GSAP: variants seen among roughly 807,000 people sequenced by gnomAD.
The protein encoded by GSAP is gamma-secretase-activating protein.
A neutral mutation model predicts 131.7 loss-of-function variants in GSAP; 118 were observed. That is an observed-to-expected ratio of 0.90 (90% CI 0.77 to 1.04). The LOEUF (loss-of-function observed/expected upper bound fraction) is 1.04. GSAP is among the 50% of genes least tolerant of loss of function. GSAP has a pLI of 0.00. For missense variants in GSAP, 1,019 were observed against 1,013.2 expected (o/e 1.01, Z -0.08); for synonymous variants, 381 against 363.4 (o/e 1.05, Z -0.55).
intron 1 of GSAP, among the ~76,000 whole-genome samples, chr7:77,414,069 T>A (rs75460595): frequency 0.12 from 18,658 of 152,238 alleles, 1,655 homozygotes; most frequent in East Asian, 0.42. Flanking sequence ...AGAATTTCCA[T>A]GGCTGACTCA....
rs1200040086 is a variant in GSAP at position 77,334,579 on chromosome 7, T to TAAAAAAAAAAAAAAAAAAAAAAAA, written c.1546-4213_1546-4212insTTTTTTTTTTTTTTTTTTTTTTTT. On this transcript the variant is annotated intron_variant, in intron 19 of 30. Coordinates refer to ENST00000257626, the MANE Select transcript of GSAP (RefSeq NM_017439.4). ...GCCCATGTATCCTGGAACTTAAAAT[T>TAAAAAAAAAAAAAAAAAAAAAAAA]TAAAAAAAAAAAAAAAAAAAAAAAA... 1.4e-3 allele frequency among the ~76,000 whole-genome samples: 112 copies of TAAAAAAAAAAAAAAAAAAAAAAAA among 82,376 alleles called. 14 individuals are homozygous for TAAAAAAAAAAAAAAAAAAAAAAAA. Among genetic ancestry groups the TAAAAAAAAAAAAAAAAAAAAAAAA allele is most frequent in the Admixed American group, 1.9e-3 (13 of 6,680 alleles). 54.0% of individuals were successfully genotyped at this position (82,376 alleles called of 152,430 possible).
At chr7:77,359,395 G>T (rs1276034645) in intron 14 of GSAP, among the ~76,000 whole-genome samples, 1 of 152,038 alleles carries the variant, frequency 6.6e-6, no homozygotes, top group Non-Finnish European at 1.5e-5. Context: ...TAAATAAATA[G>T]TAGCTCATTA....
intron 9 of GSAP, 101 bp from the exon 10 acceptor site, chr7:77,377,008 T>C (rs905923318): frequency 4.1e-6 from 3 of 725,314 alleles, no homozygotes; most frequent in Admixed American, 2.7e-5. Context: ...GAAAATGTAA[T>C]GATTAGTGAA....
chr7:77,335,610 T>A (rs1789865440), intron 19 of GSAP, among the ~76,000 whole-genome samples: 1 of 152,010 alleles, frequency 6.6e-6, no homozygotes, highest in Admixed American at 6.6e-5. Flanking sequence ...CATTTATGAT[T>A]TGGATTGCCA....
intron 1 of GSAP, among the ~76,000 whole-genome samples, chr7:77,414,843 A>ATTTTTT (rs1563154507): frequency 2.6e-4 from 15 of 58,382 alleles, no homozygotes; most frequent in East Asian, 2.0e-3. Flanking sequence ...CATGTGGGCG[A>ATTTTTT]CTTTTTTTTT....
At chr7:77,400,532 T>C (rs929078401) in intron 3 of GSAP, among the ~76,000 whole-genome samples, 2 of 152,166 alleles carry the variant, frequency 1.3e-5, no homozygotes, top group African/African-American at 4.8e-5. Context: ...GTAGGCCAAG[T>C]GGGGAACCTG....
Position 77,376,965 on chromosome 7 carries a change from G to T in GSAP, c.682-58C>A, listed in dbSNP as rs538939304. 202 of 942,882 alleles carry T rather than the reference G, an allele frequency of 2.1e-4. 5 individuals are homozygous for T. The South Asian group carries it at 2.9e-3, about 14-fold the overall frequency. The allele number at this position is 942,882 out of a possible 1,614,324, so 58.4% of individuals were successfully genotyped here. On this transcript the variant is annotated intron_variant, in intron 9 of 30. Coordinates refer to ENST00000257626, the MANE Select transcript of GSAP (RefSeq NM_017439.4). ...ACCAGGAAAAAAAGAAAAGGAAGCAGTCAAGAAGCAAAACTTCACTATTTC... is the reference window on the plus strand; with the variant it reads ...ACCAGGAAAAAAAGAAAAGGAAGCATTCAAGAAGCAAAACTTCACTATTTC...
intron 1 of GSAP, among the ~76,000 whole-genome samples, chr7:77,412,055 C>T (rs1421234999): frequency 2.6e-5 from 4 of 152,160 alleles, no homozygotes; most frequent in South Asian, 2.1e-4. Context: ...AGCATATGCC[C>T]GTAATCCCAG....
At chr7:77,410,598 A>G (rs1459203541) in intron 1 of GSAP, among the ~76,000 whole-genome samples, 3 of 152,226 alleles carry the variant, frequency 2.0e-5, no homozygotes, top group African/African-American at 7.2e-5. Context: ...GAGTACCTAG[A>G]TATTAAAGAT....
At chr7:77,336,668 T>C (rs569617374) in intron 19 of GSAP, among the ~76,000 whole-genome samples, 18 of 152,242 alleles carry the variant, frequency 1.2e-4, no homozygotes, top group African/African-American at 4.1e-4. Flanking sequence ...TTTGTATTTT[T>C]AGTAGAGATG....
rs374366718 is a variant in GSAP, at chr7:77,352,916, G to T, written c.1491+28C>A. ...CCACAACTGTGAATTGATTTTATTT[G>T]CATACAGCATACACAGTGTTAACTT... On this transcript the variant is annotated intron_variant, in intron 18 of 30. Coordinates refer to ENST00000257626, the MANE Select transcript of GSAP (RefSeq NM_017439.4). The T allele has an allele frequency of 7.1e-6, 9 of 1,271,472 alleles. No homozygotes were observed. In the African/African-American group the frequency reaches 1.2e-4, roughly 17 times the overall value. 78.8% of individuals were successfully genotyped at this position (1,271,472 alleles called of 1,614,324 possible).
chr7:77,367,028 C>T (rs763337435), intron 12 of GSAP, among the ~76,000 whole-genome samples: 1 of 152,096 alleles, frequency 6.6e-6, no homozygotes, highest in East Asian at 1.9e-4. Flanking sequence ...CTTGACTTTG[C>T]TCTTGTTGGT....
intron 22 of GSAP, 83 bp from the exon 23 acceptor site, chr7:77,326,356 C>T (rs553403893): frequency 1.5e-5 from 14 of 919,046 alleles, no homozygotes; most frequent in African/African-American, 1.3e-4. Flanking sequence ...CCTGGGTTTC[C>T]CTTCTCTGAG....
chr7:77,338,734 C>T (rs1451214968), intron 19 of GSAP, among the ~76,000 whole-genome samples: 1 of 152,178 alleles, frequency 6.6e-6, no homozygotes, highest in Non-Finnish European at 1.5e-5. Flanking sequence ...CCCAAAGGCA[C>T]CACCACCTAA....
intron 1 of GSAP, chr7:77,415,943 C>CT: frequency 2.7e-6 from 1 of 371,162 alleles, no homozygotes; most frequent in Non-Finnish European, 4.9e-6. Context: ...CCCGGCCCCT[C>CT]TGCCAAGGGC....
intron 12 of GSAP, among the ~76,000 whole-genome samples, chr7:77,367,795 C>T (rs113310756): frequency 1.4e-3 from 217 of 152,226 alleles, no homozygotes; most frequent in Non-Finnish European, 1.9e-3. Context: ...TTTCTTTGTA[C>T]GTCTGGTAGA....
intron 18 of GSAP, among the ~76,000 whole-genome samples, chr7:77,352,730 T>C (rs1056476297): frequency 2.6e-5 from 4 of 152,214 alleles, no homozygotes; most frequent in African/African-American, 9.6e-5. Context: ...CCTGTGTACC[T>C]GCTCCTTTGG....
At chr7:77,370,839 C>T (rs1796012331) in intron 12 of GSAP, among the ~76,000 whole-genome samples, 1 of 151,400 alleles carries the variant, frequency 6.6e-6, no homozygotes, top group South Asian at 2.1e-4. Flanking sequence ...CAGTGGACTC[C>T]ACCTCTCACT....
chr7:77,346,032 G>A (rs1472751097), intron 19 of GSAP, among the ~76,000 whole-genome samples: 1 of 152,100 alleles, frequency 6.6e-6, no homozygotes, highest in Non-Finnish European at 1.5e-5. Context: ...CACTTTGGGA[G>A]GCCGAGGTGG....
Sources: allele counts gnomAD v4.1 joint callset (sites outside exome capture counted in the v4.1 genomes callset), GRCh38; gene constraint gnomAD v4.1.1; transcripts MANE v1.5; gene names NCBI Gene and HGNC (gene_info 2026-07-23, HGNC 2026-07-21).